Variants in MANBA observed in about 807,000 individuals in gnomAD.
MANBA encodes the protein beta-mannosidase.
Under a neutral mutation model 111.1 loss-of-function variants are expected in MANBA, and 83 were observed. The ratio of observed to expected loss-of-function variants is 0.75; its 90% confidence interval spans 0.63 to 0.90. MANBA has a LOEUF of 0.90. Among genes scored for constraint, MANBA ranks in the 40% least tolerant of loss-of-function variants. The pLI is 0.00. For synonymous variants in MANBA, 370 were observed against 378.7 expected, an observed-to-expected ratio of 0.98 and a Z score of 0.27; for missense variants, 1,036 against 1,069.0, an observed-to-expected ratio of 0.97 and a Z score of 0.43.
chr4:102,715,453 T>C (rs1722281948), intron 4 of MANBA, among the ~76,000 whole-genome samples: 1 of 152,224 alleles, frequency 6.6e-6, no homozygotes, highest in Non-Finnish European at 1.5e-5. Flanking sequence ...GTTTTGTTTA[T>C]ATTATTTTTT....
At chr4:102,663,126 T>C (rs1326284914) in intron 11 of MANBA, 1 of 152,084 alleles carries the variant, frequency 6.6e-6, no homozygotes, top group Non-Finnish European at 1.5e-5. Context: ...ATATTTCTTT[T>C]CATTAAGCAG....
chr4:102,657,222 TGGGG>T (rs1553944231), intron 12 of MANBA, among the ~76,000 whole-genome samples: 1 of 52,204 alleles, frequency 1.9e-5, no homozygotes, highest in Non-Finnish European at 3.7e-5. Flanking sequence ...AGGAGTGGGG[TGGGG>T]GGGGGGTGGG....
At chr4:102,745,736 C>T (rs1723562867) in intron 1 of MANBA, among the ~76,000 whole-genome samples, 1 of 152,200 alleles carries the variant, frequency 6.6e-6, no homozygotes, top group South Asian at 2.1e-4. Flanking sequence ...TTAGTGGGTT[C>T]AAATCAATAA....
Position 102,703,209 on chromosome 4 carries a change from C to T in MANBA, c.673+11229G>A, listed in dbSNP as rs150029215. ...ACAGTGGAATAATCATAGCTCGCTG[C>T]AGCCTTGACCTCCCAGGCTCAAGTA... On this transcript the variant is annotated intron_variant, in intron 5 of 16. Coordinates refer to ENST00000647097, the MANE Select transcript of MANBA (RefSeq NM_005908.4). Among the ~76,000 whole-genome samples the T allele has an allele frequency of 9.2e-5, 14 of 152,330 alleles. No homozygotes were observed. The East Asian group carries it at 2.7e-3, about 29-fold the overall frequency.
chr4:102,684,357 G>C (rs1732113915), intron 7 of MANBA, among the ~76,000 whole-genome samples: 1 of 152,184 alleles, frequency 6.6e-6, no homozygotes, highest in Non-Finnish European at 1.5e-5. Context: ...AGCATGAGGA[G>C]CCTAGGCAAG....
In MANBA at chr4:102,759,308, T is replaced by TGGAATAACCGGCTTGAGC. The variant is rs377512035; in HGVS notation, c.177+1409_177+1410insGCTCAAGCCGGTTATTCC. Among the ~76,000 whole-genome samples, 442 of 152,120 alleles carry TGGAATAACCGGCTTGAGC rather than the reference T, an allele frequency of 2.9e-3. 4 individuals are homozygous for TGGAATAACCGGCTTGAGC. Among genetic ancestry groups the TGGAATAACCGGCTTGAGC allele is most frequent in the Middle Eastern group, 0.017 (5 of 294 alleles). On this transcript the variant is annotated intron_variant, in intron 1 of 16. Coordinates refer to ENST00000647097, the MANE Select transcript of MANBA (RefSeq NM_005908.4). ...CTCCTACCTTGGCCTCCCAAAGCTC[T>TGGAATAACCGGCTTGAGC]CACGTACCAGCACCCATTGGCTTAA...
intron 7 of MANBA, among the ~76,000 whole-genome samples, chr4:102,683,317 A>G (rs1191551349): frequency 6.6e-6 from 1 of 152,170 alleles, no homozygotes; most frequent in Non-Finnish European, 1.5e-5. Flanking sequence ...TATTACATCT[A>G]TTTTCCTACA....
At position 102,668,949 on chromosome 4, in the gene MANBA, G is replaced by T. The variant is rs200935345; in HGVS notation, c.1317+14C>A. 8 of 1,582,774 alleles carry T rather than the reference G, an allele frequency of 5.1e-6. No individual in the cohort carries two copies. The highest frequency in any genetic ancestry group is 2.7e-5 in the African/African-American group (2 of 74,246). ...TTATTTGTTTTATTTCTTCTTGGAAGGGTAGTAACATACCTGGTAGGCAAC... is the reference window on the plus strand; with the variant it reads ...TTATTTGTTTTATTTCTTCTTGGAATGGTAGTAACATACCTGGTAGGCAAC... On this transcript the variant is annotated intron_variant, in intron 10 of 16. Transcript: ENST00000647097.
At position 102,729,053 on chromosome 4, in the gene MANBA, T is replaced by C. The variant is rs374857234; in HGVS notation, c.178-2370A>G. On this transcript the variant is annotated intron_variant, in intron 1 of 16. Transcript: ENST00000647097. ...CAGCTTGATGTTCATCAGTTCCTGG[T>C]ACTCAAGCAGTTGCCATGCCATGTC... 45 of 838,160 alleles carry C rather than the reference T, an allele frequency of 5.4e-5. No homozygotes were observed. The African/African-American group carries it at 7.3e-4, about 14-fold the overall frequency. The allele number at this position is 838,160 out of a possible 1,614,324, so 51.9% of individuals were successfully genotyped here.
chr4:102,685,900 A>G (rs1732187515), intron 7 of MANBA, among the ~76,000 whole-genome samples: 1 of 118,534 alleles, frequency 8.4e-6, no homozygotes, highest in Admixed American at 9.4e-5. Flanking sequence ...TTTCCTTGAC[A>G]TTTTTGAAGA....
intron 14 of MANBA, 35 bp from the exon 15 acceptor site, chr4:102,636,042 G>T: frequency 1.3e-6 from 2 of 1,595,452 alleles, no homozygotes; most frequent in Non-Finnish European, 1.7e-6. Flanking sequence ...AGACGGCAAG[G>T]TCAAGTAGTC....
intron 4 of MANBA, among the ~76,000 whole-genome samples, chr4:102,719,640 C>T (rs1331279990): frequency 1.3e-5 from 2 of 152,190 alleles, no homozygotes; most frequent in African/African-American, 2.4e-5. Context: ...GATATCACCA[C>T]TCTACTTTTT....
chr4:102,652,031 T>C (rs1260021927), intron 12 of MANBA, among the ~76,000 whole-genome samples: 5 of 152,360 alleles, frequency 3.3e-5, no homozygotes, highest in African/African-American at 9.6e-5. Flanking sequence ...ATGTATACAA[T>C]GTATAAGGAT....
chr4:102,723,255 C>T (rs946777408), intron 3 of MANBA, among the ~76,000 whole-genome samples: 3 of 152,194 alleles, frequency 2.0e-5, no homozygotes, highest in African/African-American at 7.2e-5. Flanking sequence ...CCTACCCAAT[C>T]CAAGTTTCTA....
At position 102,632,096 on chromosome 4, in the gene MANBA, C is replaced by T. The variant is rs746506717; in HGVS notation, c.2601G>A (p.Glu867=). 28 of 1,611,532 alleles carry T rather than the reference C, an allele frequency of 1.7e-5. 1 individual carries two copies. In the Admixed American group the frequency reaches 4.7e-4, roughly 27 times the overall value. ...PWEPTSKNEL[E]QSFHVTSLTD... ...TTAAGGAGGTCACATGAAAAGATTG[C>T]TCCAACTCATTCTTGCTGGTGGGCT... is the stretch of plus-strand genomic sequence containing the variant. The change falls in exon 17 of 17, where the codon GAG becomes GAA. Residue 867 remains glutamate (E), a synonymous_variant. Coordinates refer to ENST00000647097, the MANE Select transcript of MANBA (RefSeq NM_005908.4).
At chr4:102,645,018 C>T (rs1162989733) in intron 13 of MANBA, among the ~76,000 whole-genome samples, 1 of 151,880 alleles carries the variant, frequency 6.6e-6, no homozygotes, top group Non-Finnish European at 1.5e-5. Context: ...TTTGTCATTA[C>T]CACACTGTCC....
intron 1 of MANBA, chr4:102,730,271 A>C: frequency 1.8e-6 from 1 of 554,986 alleles, no homozygotes; most frequent in Non-Finnish European, 3.2e-6. Context: ...TTTACCACAT[A>C]TCGTCTCATG....
chr4:102,650,475 T>C, intron 13 of MANBA, 62 bp downstream of exon 13: 1 of 1,510,008 alleles, frequency 6.6e-7, no homozygotes, highest in South Asian at 1.1e-5. Flanking sequence ...GCCTACAAAA[T>C]CTACATAATC....
intron 1 of MANBA, among the ~76,000 whole-genome samples, chr4:102,733,945 G>T (rs768445154): frequency 6.6e-6 from 1 of 152,224 alleles, no homozygotes; most frequent in Non-Finnish European, 1.5e-5. Context: ...GTTACCATAG[G>T]TTAAGCAGAG....
Sources: gnomAD v4.1 joint callset for allele counts (sites outside exome capture counted in the v4.1 genomes callset) on GRCh38, gnomAD v4.1.1 for gene constraint, MANE v1.5 for transcripts, NCBI Gene and HGNC (gene_info 2026-07-23, HGNC 2026-07-21) for gene names.